CAMK2D: variants seen among roughly 807,000 people sequenced by gnomAD.
CAMK2D encodes the protein calcium/calmodulin dependent protein kinase II delta, also known as calcium/calmodulin-dependent protein kinase type II subunit delta.
CAMK2D carries 37 observed loss-of-function variants against 84.0 expected under a neutral mutation model. The ratio of observed to expected loss-of-function variants is 0.44; its 90% CI spans 0.34 to 0.58. CAMK2D has a LOEUF of 0.58. Among genes scored for constraint, CAMK2D ranks in the 20% least tolerant of loss-of-function variants. CAMK2D has a pLI of 0.02. For missense variants in CAMK2D, 448 were observed against 652.5 expected (o/e 0.69, Z 3.41); for synonymous variants, 202 against 212.5 (o/e 0.95, Z 0.43).
At chr4:113,639,841 C>T (rs1175041170) in intron 3 of CAMK2D, among the ~76,000 whole-genome samples, 1 of 152,034 alleles carries the variant, frequency 6.6e-6, no homozygotes, top group East Asian at 1.9e-4. Flanking sequence ...AGAATTTAGC[C>T]TGATAAATTA....
rs2099640549 is a variant in CAMK2D, at chr4:113,761,121, G to C, written c.-53C>G. Reference sequence around the variant, plus strand: ...GAGCGCGACGGACCAGAAGCGAGCAGACGCGCGGCTAACCCCGGGACTGGC... The same window carrying C: ...GAGCGCGACGGACCAGAAGCGAGCACACGCGCGGCTAACCCCGGGACTGGC... On this transcript the variant is annotated 5_prime_UTR_variant, in exon 1 of 21. Coordinates refer to ENST00000511664, the MANE Select transcript of CAMK2D (RefSeq NM_001321571.2). The C allele has an allele frequency of 1.9e-5, 30 of 1,611,720 alleles. No individual in the cohort carries two copies. Among genetic ancestry groups the C allele is most frequent in the Non-Finnish European group, 2.5e-5 (30 of 1,179,894 alleles).
intron 13 of CAMK2D, among the ~76,000 whole-genome samples, chr4:113,507,436 T>TG (rs2098142929): frequency 8.5e-6 from 1 of 118,206 alleles, no homozygotes; most frequent in African/African-American, 3.3e-5. Context: ...TTTGTTTGTT[T>TG]GTTTTTTTTT....
At chr4:113,693,364 T>A (rs2099393937) in intron 2 of CAMK2D, among the ~76,000 whole-genome samples, 1 of 152,208 alleles carries the variant, frequency 6.6e-6, no homozygotes, top group Non-Finnish European at 1.5e-5. Flanking sequence ...AACAGATTTT[T>A]TTTTTAGACT....
At chr4:113,563,831 C>A (rs2098710099) in intron 4 of CAMK2D, among the ~76,000 whole-genome samples, 1 of 152,122 alleles carries the variant, frequency 6.6e-6, no homozygotes. Context: ...GGCACAGTAT[C>A]CTATCCCACC....
intron 3 of CAMK2D, among the ~76,000 whole-genome samples, chr4:113,656,527 T>A (rs995758115): frequency 4.6e-5 from 7 of 152,130 alleles, no homozygotes; most frequent in African/African-American, 1.7e-4. Context: ...CAGATTATGA[T>A]ACACTTTTGC....
At position 113,652,547 on chromosome 4, in the gene CAMK2D, G is replaced by A. The variant is rs145255527; in HGVS notation, c.220+9166C>T. On this transcript the variant is annotated intron_variant, in intron 3 of 20. Transcript: ENST00000511664. ...TCTTCTGGGCTCCCTAGCGACATGA[G>A]TTATTCTTCCCCATGGTGAGAAAAG... Among the ~76,000 whole-genome samples the A allele has an allele frequency of 3.5e-4, 54 of 152,240 alleles. No individual in the cohort carries two copies. The East Asian group carries it at 0.01, about 29-fold the overall frequency.
intron 4 of CAMK2D, among the ~76,000 whole-genome samples, chr4:113,595,482 G>A (rs971934007): frequency 2.0e-5 from 3 of 150,180 alleles, no homozygotes; most frequent in African/African-American, 4.9e-5. Flanking sequence ...GTGTACTTAT[G>A]TATAAGTGAA....
At chr4:113,543,428 G>A (rs920242794) in intron 6 of CAMK2D, among the ~76,000 whole-genome samples, 5 of 147,662 alleles carry the variant, frequency 3.4e-5, no homozygotes, top group African/African-American at 7.5e-5. Context: ...GCTATGTTGC[G>A]CAGGCTGGTA....
intron 2 of CAMK2D, chr4:113,755,105 T>C (rs1295926766): frequency 1.0e-6 from 1 of 981,144 alleles, no homozygotes; most frequent in Non-Finnish European, 1.2e-6. Context: ...AAGCCAAAAA[T>C]AAAAGAAAAG....
chr4:113,677,215 C>T (rs1048011631), intron 2 of CAMK2D, among the ~76,000 whole-genome samples: 2 of 152,178 alleles, frequency 1.3e-5, no homozygotes, highest in African/African-American at 4.8e-5. Context: ...CATTGGCTCA[C>T]ATACATAGCA....
chr4:113,584,677 G>C (rs2098825949), intron 4 of CAMK2D, among the ~76,000 whole-genome samples: 1 of 152,094 alleles, frequency 6.6e-6, no homozygotes, highest in African/African-American at 2.4e-5. Flanking sequence ...TACCTCACAA[G>C]CTTAGTTCAG....
At chr4:113,666,906 T>C (rs1231035667) in intron 2 of CAMK2D, among the ~76,000 whole-genome samples, 1 of 152,218 alleles carries the variant, frequency 6.6e-6, no homozygotes, top group East Asian at 1.9e-4. Context: ...TGACCTTTCC[T>C]GGCCTTATGC....
At chr4:113,717,166 A>G (rs1437016298) in intron 2 of CAMK2D, among the ~76,000 whole-genome samples, 2 of 152,148 alleles carry the variant, frequency 1.3e-5, no homozygotes, top group Non-Finnish European at 2.9e-5. Context: ...ACAAATTAAG[A>G]GGGAAAGGCA....
At chr4:113,734,569 TTGTTCAG>T (rs1455603791) in intron 2 of CAMK2D, among the ~76,000 whole-genome samples, 11 of 152,186 alleles carry the variant, frequency 7.2e-5, no homozygotes, top group African/African-American at 2.7e-4. Context: ...ATAGTTCAAA[TTGTTCAG>T]TGTTATCTAT....
chr4:113,552,239 G>A (rs949054008), intron 4 of CAMK2D, 143 bp from the exon 5 acceptor site: 28 of 520,390 alleles, frequency 5.4e-5, no homozygotes, highest in Admixed American at 1.8e-4. Context: ...GACAGTGTTC[G>A]TAAGTCAAAT....
At chr4:113,755,515 T>C (rs544474599) in intron 2 of CAMK2D, among the ~76,000 whole-genome samples, 1 of 152,046 alleles carries the variant, frequency 6.6e-6, no homozygotes, top group African/African-American at 2.4e-5. Flanking sequence ...ATCTATGTAA[T>C]AGTCAAATGG....
intron 2 of CAMK2D, among the ~76,000 whole-genome samples, chr4:113,755,460 ATAATG>A (rs2099626537): frequency 6.6e-6 from 1 of 151,968 alleles, no homozygotes; most frequent in Non-Finnish European, 1.5e-5. Context: ...ACCCTATACT[ATAATG>A]TATTATATTT....
chr4:113,703,260 T>C (rs1252194778), intron 2 of CAMK2D, among the ~76,000 whole-genome samples: 5 of 152,146 alleles, frequency 3.3e-5, no homozygotes, highest in African/African-American at 7.2e-5. Context: ...TGTGGTATAT[T>C]AGTGGTGTAG....
At position 113,490,904 on chromosome 4, in the gene CAMK2D, A is replaced by T. The variant is rs913240853; in HGVS notation, c.1135+9559T>A. Among the ~76,000 whole-genome samples the T allele has an allele frequency of 1.4e-4, 12 of 84,128 alleles. 1 individual carries two copies. The highest frequency in any genetic ancestry group is 2.4e-4 in the Non-Finnish European group (10 of 42,174). 55.2% of individuals were successfully genotyped at this position (84,128 alleles called of 152,430 possible). On this transcript the variant is annotated intron_variant, in intron 16 of 20. Transcript: ENST00000511664. ...TAGGTATTTTATTCTCTTTGAAGCAATTGTGAATGGGAGTTCACTCAGGAT... is the reference window on the plus strand; with the variant it reads ...TAGGTATTTTATTCTCTTTGAAGCATTTGTGAATGGGAGTTCACTCAGGAT...
Sources: gnomAD v4.1 joint callset for allele counts (sites outside exome capture counted in the v4.1 genomes callset) on GRCh38, gnomAD v4.1.1 for gene constraint, MANE v1.5 for transcripts, NCBI Gene and HGNC (gene_info 2026-07-23, HGNC 2026-07-21) for gene names.